NCKAP1L: variants seen among roughly 807,000 people sequenced by gnomAD.
The protein encoded by NCKAP1L is NCK associated protein 1 like.
Under a neutral mutation model 139.2 loss-of-function variants are expected in NCKAP1L, and 53 were observed. The observed-to-expected ratio is 0.38, with a 90% confidence interval of 0.31 to 0.48. The LOEUF (loss-of-function observed/expected upper bound fraction) is 0.48, where lower values mean the gene tolerates loss of function less well. NCKAP1L is among the 20% of genes least tolerant of loss of function. The pLI is 0.98. For missense variants in NCKAP1L, 1,151 were observed against 1,381.9 expected (o/e 0.83, Z 2.65); for synonymous variants, 468 against 499.7 (o/e 0.94, Z 0.85).
In NCKAP1L at chr12:54,521,138, A is replaced by G; in HGVS notation, c.1778A>G (p.His593Arg). 6.2e-7 allele frequency: 1 copy of G among 1,613,992 alleles called. No homozygotes were observed. The highest frequency in any genetic ancestry group is 1.3e-5 in the African/African-American group (1 of 74,992). Residue 593 changes from histidine to arginine, a missense_variant, in exon 18 of 31, where the codon CAT becomes CGT. His to Arg is a conservative substitution (Grantham distance 29). Transcript: ENST00000293373. ...CCATAGTACCCCCACCTCAAGAACC[A>G]TGGTCTTCACCACTGCAACTCCTTC... is the stretch of plus-strand genomic sequence containing the variant. ...CPEEYPHLKN[H>R]GLHHCNSFLE...
chr12:54,498,838 T>C (rs1354298863), intron 1 of NCKAP1L: 1 of 984,862 alleles, frequency 1.0e-6, no homozygotes, highest in Non-Finnish European at 1.2e-6. Flanking sequence ...ATGCCTAGGT[T>C]GTTATTTCGC....
rs555119247 is a variant in NCKAP1L at position 54,516,819 on chromosome 12, A to C, written c.999-77A>C. 2.8e-5 allele frequency: 36 copies of C among 1,276,446 alleles called. No individual in the cohort carries two copies. The African/African-American group carries it at 5.0e-4, about 18-fold the overall frequency. 79.1% of individuals were successfully genotyped at this position (1,276,446 alleles called of 1,614,324 possible). On this transcript the variant is annotated intron_variant, in intron 10 of 30. Transcript: ENST00000293373. ...CTGCCTGATATCCCTTCCTAAATAT[A>C]GCTTTCTTCTGTGCTGCCTGTGGAG... is the stretch of plus-strand genomic sequence containing the variant.
chr12:54,502,710 G>T (rs1956808766), intron 3 of NCKAP1L, among the ~76,000 whole-genome samples: 1 of 151,268 alleles, frequency 6.6e-6, no homozygotes, highest in South Asian at 2.1e-4. Flanking sequence ...ATTATGGCTG[G>T]GTGCTGTGGC....
chr12:54,533,629 C>T (rs1056718046), intron 26 of NCKAP1L, among the ~76,000 whole-genome samples: 5 of 151,818 alleles, frequency 3.3e-5, no homozygotes, highest in Middle Eastern at 3.4e-3. Context: ...TGCTGGAGTG[C>T]GATCTCAGCT....
chr12:54,520,979 C>T (rs1167023456), intron 17 of NCKAP1L, 140 bp from the exon 18 acceptor site: 2 of 1,482,890 alleles, frequency 1.3e-6, no homozygotes, highest in Non-Finnish European at 1.9e-6. Context: ...TGTATCCTGT[C>T]TCTGGGCCTC....
At chr12:54,516,381 T>C in intron 10 of NCKAP1L, 86 bp downstream of exon 10, 1 of 1,256,194 alleles carries the variant, frequency 8.0e-7, no homozygotes, top group East Asian at 2.3e-5. Context: ...ATCCTTAGTT[T>C]CTGTACAGCT....
rs1957196884 is a variant in NCKAP1L, at chr12:54,546,335, G to T, written c.*3650G>T. On this transcript the variant is annotated 3_prime_UTR_variant, in exon 31 of 31. Transcript: ENST00000293373. ...AGATGATGCCATTGCACTCCAGTCT[G>T]GGTGACAGAGCAAGATCCTGTCTCA... 1 of 149,464 alleles carries T rather than the reference G, an allele frequency of 6.7e-6. No homozygotes were observed. The highest frequency in any genetic ancestry group is 2.5e-5 in the African/African-American group (1 of 40,212). 9.3% of individuals were successfully genotyped at this position (149,464 alleles called of 1,614,324 possible).
chr12:54,517,828 T>A lies in NCKAP1L; in HGVS notation c.1228T>A (p.Leu410Met). 3.7e-6 allele frequency: 6 copies of A among 1,614,180 alleles called. No individual in the cohort carries two copies. The highest frequency in any genetic ancestry group is 5.1e-6 in the Non-Finnish European group (6 of 1,180,038). The change falls in exon 13 of 31, where the codon TTG (leucine) becomes ATG (methionine). Residue 410 changes from leucine to methionine, a missense_variant. By Grantham distance (15) the Leu-to-Met change is conservative. Transcript: ENST00000293373. Reference protein sequence around the residue: ...ADSSIAELLFLLEGIRSLVRR... With the variant: ...ADSSIAELLFMLEGIRSLVRR... ...TAGGAGCATTGCAGAGCTACTTTTC[T>A]TGTTGGAGGGGATTAGGTCTCTGGT...
At chr12:54,511,086 T>G (rs1956884876) in intron 7 of NCKAP1L, among the ~76,000 whole-genome samples, 1 of 152,224 alleles carries the variant, frequency 6.6e-6, no homozygotes, top group African/African-American at 2.4e-5. Flanking sequence ...ACATGATTAG[T>G]GATAAGTGCC....
chr12:54,517,775 T>C (rs371522591), intron 12 of NCKAP1L, 31 bp from the exon 13 acceptor site: 2 of 1,612,864 alleles, frequency 1.2e-6, no homozygotes, highest in Non-Finnish European at 1.7e-6. Context: ...TCTAGTCTTA[T>C]TCATCTCTGT....
chr12:54,511,695 C>T, intron 7 of NCKAP1L, 108 bp from the exon 8 acceptor site: 1 of 1,229,814 alleles, frequency 8.1e-7, no homozygotes, highest in Non-Finnish European at 1.2e-6. Context: ...GCGTTAGCCA[C>T]CACCCCTTGC....
chr12:54,499,176 G>A (rs1212414240), intron 1 of NCKAP1L, among the ~76,000 whole-genome samples, 179 bp from the exon 2 acceptor site: 3 of 152,032 alleles, frequency 2.0e-5, no homozygotes, highest in South Asian at 2.1e-4. Context: ...TGCCTGCCTC[G>A]GCCTCCCGAA....
At chr12:54,507,755 A>G (rs868334728) in intron 3 of NCKAP1L, 98 bp from the exon 4 acceptor site, 1 of 1,097,694 alleles carries the variant, frequency 9.1e-7, no homozygotes, top group South Asian at 1.3e-5. Flanking sequence ...GTGGCTTTCT[A>G]GGACCTCTAA....
chr12:54,542,634 C>A lies in NCKAP1L; in HGVS notation c.3333C>A (p.Val1111=). 9 of 1,614,174 alleles carry A rather than the reference C, an allele frequency of 5.6e-6. No individual in the cohort carries two copies. The highest frequency in any genetic ancestry group is 7.6e-6 in the Non-Finnish European group (9 of 1,180,024). The change falls in exon 31 of 31, where the codon GTC becomes GTA. Residue 1111 remains valine (V), a synonymous_variant. Transcript: ENST00000293373. ...LDMLESCFPY[V]LLRNAYREVS... is the part of the protein sequence containing the mutation. ...TGCTGGAGTCCTGTTTCCCTTATGT[C>A]CTGCTTCGAAATGCCTATCGGGAGG...
intron 3 of NCKAP1L, among the ~76,000 whole-genome samples, chr12:54,504,030 C>G (rs983789757): frequency 6.6e-6 from 1 of 151,960 alleles, no homozygotes; most frequent in Non-Finnish European, 1.5e-5. Context: ...CAGTTTAAGA[C>G]AGATGTAAGA....
At chr12:54,510,105 G>C (rs1201618710) in intron 7 of NCKAP1L, 120 bp downstream of exon 7, 3 of 1,334,700 alleles carry the variant, frequency 2.2e-6, no homozygotes, top group Admixed American at 4.4e-5. Flanking sequence ...TTCTTCTAGG[G>C]TATGTCTCTA....
At chr12:54,538,719 T>G (rs1332836878) in intron 29 of NCKAP1L, among the ~76,000 whole-genome samples, 165 bp from the exon 30 acceptor site, 1 of 152,242 alleles carries the variant, frequency 6.6e-6, no homozygotes, top group African/African-American at 2.4e-5. Flanking sequence ...ATAGGCAACA[T>G]GTATCTCTGA....
At chr12:54,523,239 G>T (rs1235259357) in intron 18 of NCKAP1L, among the ~76,000 whole-genome samples, 155 bp from the exon 19 acceptor site, 1 of 152,122 alleles carries the variant, frequency 6.6e-6, no homozygotes, top group Non-Finnish European at 1.5e-5. Context: ...TTCTGAATAG[G>T]CCCCCATTAA....
chr12:54,514,361 G>A (rs919459107), intron 9 of NCKAP1L, among the ~76,000 whole-genome samples: 1 of 146,790 alleles, frequency 6.8e-6, no homozygotes, highest in African/African-American at 2.5e-5. Flanking sequence ...TGCCCTTGTT[G>A]CCCAGGCTGG....
Sources: allele counts gnomAD v4.1 joint callset (sites outside exome capture counted in the v4.1 genomes callset), GRCh38; gene constraint gnomAD v4.1.1; transcripts MANE v1.5; gene names NCBI Gene and HGNC (gene_info 2026-07-23, HGNC 2026-07-21).